PPARGC1A: variants seen among roughly 807,000 people sequenced by gnomAD.
PPARGC1A encodes peroxisome proliferator-activated receptor gamma coactivator 1-alpha.
Under a neutral mutation model 88.7 loss-of-function variants are expected in PPARGC1A, and 25 were observed. That is an observed-to-expected ratio of 0.28 (90% CI 0.21 to 0.39). The LOEUF (loss-of-function observed/expected upper bound fraction) is 0.39. PPARGC1A is among the 10% of genes least tolerant of loss of function. The probability of loss-of-function intolerance (pLI) is 1.00; values close to 1 mark genes in which losing one functional copy is unlikely to be tolerated. For synonymous variants in PPARGC1A, 363 were observed against 355.6 expected, an observed-to-expected ratio of 1.02 and a Z score of -0.24; for missense variants, 880 against 968.7, an observed-to-expected ratio of 0.91 and a Z score of 1.22.
At chr4:24,417,408 T>C in the PPARGC1A span, among the ~76,000 whole-genome samples, 2 of 152,176 alleles carry the variant, frequency 1.3e-5, no homozygotes, top group Non-Finnish European at 2.9e-5. Context: ...TTTTGAAACC[T>C]CACTGATGAA....
At chr4:24,155,465 G>A in the PPARGC1A span, among the ~76,000 whole-genome samples, 7 of 151,766 alleles carry the variant, frequency 4.6e-5, no homozygotes, top group East Asian at 3.9e-4. Flanking sequence ...TCTACAAAAC[G>A]TAGCGTGCAC....
At chr4:24,410,912 C>T in the PPARGC1A span, among the ~76,000 whole-genome samples, 8 of 152,190 alleles carry the variant, frequency 5.3e-5, no homozygotes, top group Non-Finnish European at 8.8e-5. Context: ...TCTGATCCAC[C>T]ACTGGCTTCC....
the PPARGC1A span, among the ~76,000 whole-genome samples, chr4:24,387,270 AC>A: frequency 6.6e-6 from 1 of 152,176 alleles, no homozygotes; most frequent in Non-Finnish European, 1.5e-5. Context: ...TAAATGTAAG[AC>A]CTAAAACCAT....
the PPARGC1A span, among the ~76,000 whole-genome samples, chr4:23,964,541 G>A: frequency 3.3e-5 from 5 of 152,172 alleles, no homozygotes; most frequent in Admixed American, 3.3e-4. Flanking sequence ...TGATGTGTCT[G>A]CAGAATATTC....
chr4:23,921,337 T>G, the PPARGC1A span, among the ~76,000 whole-genome samples: 1 of 152,204 alleles, frequency 6.6e-6, no homozygotes, highest in Non-Finnish European at 1.5e-5. Context: ...TGTGAAGGGA[T>G]TCTTCAACTC....
chr4:23,904,934 T>A (rs1445495076), upstream of PPARGC1A, among the ~76,000 whole-genome samples: 1 of 152,238 alleles, frequency 6.6e-6, no homozygotes, highest in Non-Finnish European at 1.5e-5. Flanking sequence ...CTTTTTGTTG[T>A]ATCTCCTTAG....
At chr4:24,232,628 A>T in the PPARGC1A span, among the ~76,000 whole-genome samples, 1 of 152,206 alleles carries the variant, frequency 6.6e-6, no homozygotes, top group Non-Finnish European at 1.5e-5. Context: ...CACAATACAT[A>T]AATATACTTT....
the PPARGC1A span, among the ~76,000 whole-genome samples, chr4:24,467,441 T>G: frequency 3.3e-5 from 5 of 152,322 alleles, no homozygotes; most frequent in East Asian, 9.6e-4. Context: ...CTTTGAGGTA[T>G]TGGCTATCTA....
At chr4:24,108,660 T>C in the PPARGC1A span, among the ~76,000 whole-genome samples, 1 of 152,120 alleles carries the variant, frequency 6.6e-6, no homozygotes, top group African/African-American at 2.4e-5. Flanking sequence ...CCCAGAAAGA[T>C]CAAATAACTT....
At chr4:23,798,144 TCTGA>T (rs1208082077) in intron 12 of PPARGC1A, among the ~76,000 whole-genome samples, 6 of 151,958 alleles carry the variant, frequency 3.9e-5, no homozygotes, top group African/African-American at 9.7e-5. Context: ...ATCTCCCTTC[TCTGA>T]CTCTCTTTTC....
the PPARGC1A span, among the ~76,000 whole-genome samples, chr4:24,306,456 T>C: frequency 0.054 from 8,177 of 152,154 alleles, 469 homozygotes; most frequent in East Asian, 0.14. Context: ...AGTAGGCCCA[T>C]TGGGATTATG....
the PPARGC1A span, among the ~76,000 whole-genome samples, chr4:23,930,022 G>A: frequency 3.9e-5 from 6 of 152,040 alleles, no homozygotes; most frequent in African/African-American, 1.4e-4. Flanking sequence ...TGCAGACTCT[G>A]TTTTTTGTCA....
chr4:23,928,563 C>G, the PPARGC1A span, among the ~76,000 whole-genome samples: 1 of 151,822 alleles, frequency 6.6e-6, no homozygotes, highest in Non-Finnish European at 1.5e-5. Context: ...GATCTAGAAC[C>G]AGAACTACCA....
chr4:24,387,934 G>GAAAGAAAGAAAGAAGGAA, the PPARGC1A span, among the ~76,000 whole-genome samples: 5 of 71,458 alleles, frequency 7.0e-5, no homozygotes, highest in African/African-American at 2.0e-4. Context: ...AAGAAAGAAA[G>GAAAGAAAGAAAGAAGGAA]AGAAAGAAAG....
the PPARGC1A span, among the ~76,000 whole-genome samples, chr4:24,388,116 C>G: frequency 6.9e-6 from 1 of 145,400 alleles, no homozygotes; most frequent in African/African-American, 2.6e-5. Flanking sequence ...TATCCAGAAT[C>G]TACAAGGAAC....
At chr4:23,855,279 A>C (rs1380707417) in intron 2 of PPARGC1A, among the ~76,000 whole-genome samples, 1 of 152,134 alleles carries the variant, frequency 6.6e-6, no homozygotes, top group African/African-American at 2.4e-5. Context: ...AGACTGGACT[A>C]ATATACCCAT....
the PPARGC1A span, among the ~76,000 whole-genome samples, chr4:24,322,939 T>C: frequency 1.8e-4 from 28 of 152,216 alleles, no homozygotes; most frequent in East Asian, 1.8e-3. Flanking sequence ...TATATCATTG[T>C]ATTATCTACA....
chr4:23,966,080 A>G, the PPARGC1A span, among the ~76,000 whole-genome samples: 5 of 152,294 alleles, frequency 3.3e-5, no homozygotes, highest in East Asian at 9.7e-4. Flanking sequence ...AACGCACCGC[A>G]CTGTATTGCT....
chr4:24,325,464 T>G, the PPARGC1A span, among the ~76,000 whole-genome samples: 2 of 152,088 alleles, frequency 1.3e-5, no homozygotes, highest in Non-Finnish European at 2.9e-5. Context: ...CTCTAGAACC[T>G]CCTCCCCCAG....
Sources: allele counts gnomAD v4.1 joint callset (sites outside exome capture counted in the v4.1 genomes callset), GRCh38; gene constraint gnomAD v4.1.1; transcripts MANE v1.5; gene names NCBI Gene and HGNC (gene_info 2026-07-23, HGNC 2026-07-21).